Variants in KCNB2 observed in about 807,000 individuals in gnomAD.
The protein encoded by KCNB2 is potassium voltage-gated channel subfamily B member 2, also known as delayed rectifier potassium channel protein.
Under a neutral mutation model 61.5 loss-of-function variants are expected in KCNB2, and 15 were observed. The observed-to-expected ratio is 0.24, with a 90% CI of 0.16 to 0.38. The LOEUF (loss-of-function observed/expected upper bound fraction) is 0.38. Ranked by LOEUF, KCNB2 falls within the 10% of genes least tolerant of loss-of-function variation. The pLI is 1.00. For missense variants in KCNB2, 828 were observed against 1,125.2 expected (o/e 0.74, Z 3.78); for synonymous variants, 457 against 446.0 (o/e 1.02, Z -0.31).
At chr8:72,649,653 CT>C (rs1318298472) in intron 2 of KCNB2, among the ~76,000 whole-genome samples, 1 of 152,118 alleles carries the variant, frequency 6.6e-6, no homozygotes, top group Non-Finnish European at 1.5e-5. Context: ...AGAATAGATA[CT>C]TCCATGATGG....
At chr8:72,670,190 C>T (rs983650736) in intron 2 of KCNB2, among the ~76,000 whole-genome samples, 4 of 152,178 alleles carry the variant, frequency 2.6e-5, no homozygotes, top group African/African-American at 9.7e-5. Context: ...CTCAACCACC[C>T]ACGTGAACAA....
chr8:72,921,072 A>G (rs1248755295), intron 2 of KCNB2, among the ~76,000 whole-genome samples: 1 of 152,150 alleles, frequency 6.6e-6, no homozygotes, highest in African/African-American at 2.4e-5. Flanking sequence ...GAAATTATCC[A>G]AAGTTCAGCT....
At chr8:72,858,147 C>T (rs1406099559) in intron 2 of KCNB2, among the ~76,000 whole-genome samples, 1 of 152,074 alleles carries the variant, frequency 6.6e-6, no homozygotes, top group Non-Finnish European at 1.5e-5. Flanking sequence ...CATAGGTAGT[C>T]ATAAGATGAT....
chr8:72,791,581 G>T (rs1239857874), intron 2 of KCNB2, among the ~76,000 whole-genome samples: 1 of 151,998 alleles, frequency 6.6e-6, no homozygotes, highest in African/African-American at 2.4e-5. Flanking sequence ...AGAACTCTTG[G>T]ATCCAGGCTT....
At chr8:72,703,023 A>G (rs1807160762) in intron 2 of KCNB2, among the ~76,000 whole-genome samples, 2 of 152,216 alleles carry the variant, frequency 1.3e-5, no homozygotes, top group Non-Finnish European at 2.9e-5. Context: ...CTATTAAGAA[A>G]GCTTTTAGGT....
intron 2 of KCNB2, among the ~76,000 whole-genome samples, chr8:72,813,129 G>T (rs1359778129): frequency 6.6e-6 from 1 of 152,156 alleles, no homozygotes; most frequent in East Asian, 1.9e-4. Flanking sequence ...ACAAAATGGG[G>T]TATTGGTTTC....
chr8:72,792,489 T>C (rs534780241), intron 2 of KCNB2, among the ~76,000 whole-genome samples: 65 of 152,184 alleles, frequency 4.3e-4, no homozygotes, highest in Non-Finnish European at 8.7e-4. Context: ...TATTTATGTA[T>C]TTAACAGATT....
intron 2 of KCNB2, among the ~76,000 whole-genome samples, chr8:72,882,592 C>T (rs1805735181): frequency 6.8e-6 from 1 of 146,224 alleles, no homozygotes; most frequent in South Asian, 2.1e-4. Flanking sequence ...ACTTGAAGTT[C>T]CTAGCAACTG....
At chr8:72,641,809 T>C (rs1806060155) in intron 2 of KCNB2, among the ~76,000 whole-genome samples, 1 of 152,112 alleles carries the variant, frequency 6.6e-6, no homozygotes, top group Non-Finnish European at 1.5e-5. Flanking sequence ...TGAGGATCAA[T>C]AACATACTGT....
chr8:72,683,052 A>G (rs571046805), intron 2 of KCNB2, among the ~76,000 whole-genome samples: 2 of 152,390 alleles, frequency 1.3e-5, no homozygotes, highest in South Asian at 4.1e-4. Flanking sequence ...GAGAATTAAA[A>G]GAATCACAGG....
At chr8:72,769,091 C>T (rs558027860) in intron 2 of KCNB2, among the ~76,000 whole-genome samples, 37 of 151,880 alleles carry the variant, frequency 2.4e-4, no homozygotes, top group Non-Finnish European at 4.7e-4. Flanking sequence ...ACCCAGGAGG[C>T]GGAGGTTGCA....
chr8:72,843,003 C>G (rs1369860604), intron 2 of KCNB2, among the ~76,000 whole-genome samples: 1 of 152,072 alleles, frequency 6.6e-6, no homozygotes, highest in Non-Finnish European at 1.5e-5. Context: ...GCTCTTGCTT[C>G]TCTAGTTCTT....
At chr8:72,578,763 A>G (rs1806844022) in intron 2 of KCNB2, among the ~76,000 whole-genome samples, 1 of 152,234 alleles carries the variant, frequency 6.6e-6, no homozygotes, top group African/African-American at 2.4e-5. Flanking sequence ...AATAAATATT[A>G]TAATTGAAAA....
chr8:72,913,710 T>A (rs569295676), intron 2 of KCNB2, among the ~76,000 whole-genome samples: 39 of 152,324 alleles, frequency 2.6e-4, no homozygotes, highest in Non-Finnish European at 4.9e-4. Flanking sequence ...TGACAGACAC[T>A]TCCCAGCCAG....
In KCNB2 at chr8:72,937,109, A is replaced by G; in HGVS notation, c.1754A>G (p.Gln585Arg). ...GAAGAAGTGGTGTGTCCACAGGAGC[A>G]GCTGGCCGTGGCACAGACCGAGGTC... ...EMEEVVCPQE[Q>R]LAVAQTEVIV... Residue 585 changes from glutamine to arginine, a missense_variant, in exon 3 of 3, where the codon CAG (glutamine) becomes CGG (arginine). Gln to Arg is a conservative substitution (Grantham distance 43). Coordinates refer to ENST00000523207, the MANE Select transcript of KCNB2 (RefSeq NM_004770.3). The G allele has an allele frequency of 6.2e-7, 1 of 1,614,202 alleles. No homozygotes were observed. Among genetic ancestry groups the G allele is most frequent in the Non-Finnish European group, 8.5e-7 (1 of 1,180,040 alleles).
At chr8:72,554,673 G>C (rs1046501529) in intron 1 of KCNB2, among the ~76,000 whole-genome samples, 1 of 152,034 alleles carries the variant, frequency 6.6e-6, no homozygotes, top group Non-Finnish European at 1.5e-5. Context: ...AGTTAGAGTG[G>C]ACCCCTTCTA....
intron 2 of KCNB2, among the ~76,000 whole-genome samples, chr8:72,896,964 T>C (rs1805999449): frequency 6.6e-6 from 1 of 152,180 alleles, no homozygotes; most frequent in African/African-American, 2.4e-5. Context: ...TGTTATGAAC[T>C]AGTAAATTGG....
intron 2 of KCNB2, among the ~76,000 whole-genome samples, chr8:72,839,698 C>T (rs9773104): frequency 0.15 from 22,392 of 149,084 alleles, 2,291 homozygotes; most frequent in African/African-American, 0.29. Flanking sequence ...CTGCAAGCTC[C>T]GCCTCCCGGG....
intron 2 of KCNB2, among the ~76,000 whole-genome samples, chr8:72,919,421 G>T (rs898195274): frequency 2.6e-4 from 40 of 152,200 alleles, no homozygotes; most frequent in African/African-American, 9.4e-4. Context: ...GGGGTAATGG[G>T]TAGTTTTTAA....
Sources: gnomAD v4.1 joint callset for allele counts (sites outside exome capture counted in the v4.1 genomes callset) on GRCh38, gnomAD v4.1.1 for gene constraint, MANE v1.5 for transcripts, NCBI Gene and HGNC (gene_info 2026-07-23, HGNC 2026-07-21) for gene names.